Variants in SLC35F1 observed in about 807,000 individuals in gnomAD.
SLC35F1 encodes solute carrier family 35 member F1.
SLC35F1 carries 14 observed loss-of-function variants against 48.7 expected under a neutral mutation model. The observed-to-expected ratio is 0.29, with a 90% CI of 0.19 to 0.45. SLC35F1 has a LOEUF of 0.45. Ranked by LOEUF, SLC35F1 falls within the 20% of genes least tolerant of loss-of-function variation. The probability of loss-of-function intolerance (pLI) is 1.00; values close to 1 mark genes in which losing one functional copy is unlikely to be tolerated. For missense variants in SLC35F1, 404 were observed against 500.0 expected, an observed-to-expected ratio of 0.81 and a Z score of 1.83; for synonymous variants, 190 against 202.2, an observed-to-expected ratio of 0.94 and a Z score of 0.51.
intron 1 of SLC35F1, among the ~76,000 whole-genome samples, chr6:118,044,846 C>T (rs1657042785): frequency 6.6e-6 from 1 of 152,148 alleles, no homozygotes; most frequent in Admixed American, 6.6e-5. Context: ...CCTAGCACTT[C>T]ATCGTGGCTC....
chr6:118,186,755 C>T (rs1453111619), intron 2 of SLC35F1, among the ~76,000 whole-genome samples: 2 of 152,214 alleles, frequency 1.3e-5, no homozygotes, highest in Middle Eastern at 3.4e-3. Flanking sequence ...CTAAATGAGG[C>T]CATAAATGAT....
chr6:118,205,799 A>T (rs1582729035), intron 2 of SLC35F1, among the ~76,000 whole-genome samples: 1 of 152,358 alleles, frequency 6.6e-6, no homozygotes, highest in East Asian at 1.9e-4. Context: ...AATATTATTC[A>T]GCCACAAAAG....
At chr6:118,059,103 T>C (rs1217308194) in intron 1 of SLC35F1, among the ~76,000 whole-genome samples, 1 of 152,184 alleles carries the variant, frequency 6.6e-6, no homozygotes, top group Admixed American at 6.5e-5. Context: ...ATTCCACACA[T>C]TTGAGTTACT....
intron 1 of SLC35F1, among the ~76,000 whole-genome samples, chr6:117,986,552 C>A (rs1043493606): frequency 1.4e-4 from 22 of 152,254 alleles, no homozygotes; most frequent in African/African-American, 5.3e-4. Context: ...GTTTGTAAAG[C>A]TCACTGATTG....
chr6:118,044,618 A>G (rs950626107), intron 1 of SLC35F1, among the ~76,000 whole-genome samples: 4 of 152,300 alleles, frequency 2.6e-5, no homozygotes, highest in East Asian at 1.9e-4. Flanking sequence ...GGTCAGTTGC[A>G]TAGCTGAATA....
chr6:118,084,321 C>T (rs565944765), intron 1 of SLC35F1, among the ~76,000 whole-genome samples: 16 of 152,008 alleles, frequency 1.1e-4, no homozygotes, highest in Admixed American at 7.9e-4. Flanking sequence ...TTGCCCAATC[C>T]GATTGTCTTT....
At position 118,134,529 on chromosome 6, in the gene SLC35F1, T is replaced by C. The variant is rs562670958; in HGVS notation, c.174-19916T>C. 2.8e-4 allele frequency among the ~76,000 whole-genome samples: 42 copies of C among 152,180 alleles called. 1 individual carries two copies. The highest frequency in any genetic ancestry group is 9.9e-4 in the African/African-American group (41 of 41,512). On this transcript the variant is annotated intron_variant, in intron 1 of 7. Transcript: ENST00000360388. ...AGGCTGGTCAGTAAATAGTGCTGAG[T>C]CCTAGAATAACACCATGCAATAGGC...
chr6:118,275,613 A>G lies in SLC35F1; in HGVS notation c.792A>G (p.Gln264=), dbSNP rs780893483. 1.9e-6 allele frequency: 3 copies of G among 1,613,604 alleles called. No homozygotes were observed. The highest frequency in any genetic ancestry group is 1.7e-6 in the Non-Finnish European group (2 of 1,179,754). ...GLFGAFFSGI[Q]LAIMEHKELL... is the part of the protein sequence containing the mutation. The stretch of plus-strand genomic sequence containing the variant: ...TTGGAGCATTTTTCAGTGGAATTCA[A>G]TTGTGAGTAAAAATAACAAGAAATA... The change falls in exon 5 of 8, where the codon CAA becomes CAG. Residue 264 remains glutamine, a splice_region_variant and synonymous_variant. Coordinates refer to ENST00000360388, the MANE Select transcript of SLC35F1 (RefSeq NM_001029858.4).
chr6:118,106,383 A>C (rs935810945), intron 1 of SLC35F1, among the ~76,000 whole-genome samples: 3 of 152,116 alleles, frequency 2.0e-5, no homozygotes, highest in Admixed American at 1.3e-4. Flanking sequence ...CATTTTCCTG[A>C]TGGCATCATT....
chr6:118,237,763 GA>G (rs1220864678), intron 3 of SLC35F1, among the ~76,000 whole-genome samples: 1 of 152,102 alleles, frequency 6.6e-6, no homozygotes, highest in Non-Finnish European at 1.5e-5. Flanking sequence ...CTTTAAAATG[GA>G]AAAACCTTTT....
chr6:118,226,704 A>G (rs1471866039), intron 2 of SLC35F1, among the ~76,000 whole-genome samples: 2 of 152,152 alleles, frequency 1.3e-5, no homozygotes, highest in Non-Finnish European at 2.9e-5. Flanking sequence ...AGACGCTGGG[A>G]AGAGTAGAGA....
chr6:118,217,557 G>A (rs532782062), intron 2 of SLC35F1, among the ~76,000 whole-genome samples: 1 of 152,206 alleles, frequency 6.6e-6, no homozygotes, highest in Non-Finnish European at 1.5e-5. Context: ...GGTGATGGTT[G>A]CACAACAATG....
chr6:118,066,689 C>T (rs1299108655), intron 1 of SLC35F1, among the ~76,000 whole-genome samples: 1 of 151,146 alleles, frequency 6.6e-6, no homozygotes, highest in Non-Finnish European at 1.5e-5. Context: ...AATACAAAAA[C>T]CAAGGAATAG....
intron 1 of SLC35F1, among the ~76,000 whole-genome samples, chr6:117,981,608 G>A (rs1392876209): frequency 4.6e-5 from 7 of 152,112 alleles, no homozygotes; most frequent in African/African-American, 1.7e-4. Context: ...TCATTGGAGG[G>A]CTTCTGCATG....
At chr6:118,113,086 T>A (rs2501517) in intron 1 of SLC35F1, among the ~76,000 whole-genome samples, 10,469 of 152,172 alleles carry the variant, frequency 0.069, 993 homozygotes, top group African/African-American at 0.21. Context: ...AAAAAATTTT[T>A]AATGTATTTT....
intron 3 of SLC35F1, among the ~76,000 whole-genome samples, chr6:118,263,966 T>G (rs1775742266): frequency 6.6e-6 from 1 of 152,200 alleles, no homozygotes; most frequent in South Asian, 2.1e-4. Context: ...TTCCTGTCAT[T>G]GACCTTCACT....
intron 1 of SLC35F1, among the ~76,000 whole-genome samples, chr6:118,140,597 TA>T (rs1031847097): frequency 8.0e-5 from 12 of 149,728 alleles, no homozygotes; most frequent in African/African-American, 1.2e-4. Context: ...GTATTCCTTA[TA>T]TTTTTTTTTT....
intron 3 of SLC35F1, among the ~76,000 whole-genome samples, chr6:118,248,051 T>TTCA: frequency 1.3e-5 from 2 of 152,292 alleles, no homozygotes; most frequent in Non-Finnish European, 2.9e-5. Flanking sequence ...TTTCAAAGAG[T>TTCA]TCATATGTTT....
intron 1 of SLC35F1, among the ~76,000 whole-genome samples, chr6:118,125,918 T>A (rs888867370): frequency 8.5e-5 from 13 of 152,230 alleles, no homozygotes; most frequent in Non-Finnish European, 1.9e-4. Context: ...TGCCCGTGGA[T>A]AATCGCTGTT....
Sources: gnomAD v4.1 joint callset for allele counts (sites outside exome capture counted in the v4.1 genomes callset) on GRCh38, gnomAD v4.1.1 for gene constraint, MANE v1.5 for transcripts, NCBI Gene and HGNC (gene_info 2026-07-23, HGNC 2026-07-21) for gene names.